TSHZ2: variants seen among roughly 807,000 people sequenced by gnomAD.
The protein encoded by TSHZ2 is teashirt homolog 2.
Under a neutral mutation model 74.4 loss-of-function variants are expected in TSHZ2, and 21 were observed. The ratio of observed to expected loss-of-function variants is 0.28; its 90% CI spans 0.20 to 0.41. The LOEUF (loss-of-function observed/expected upper bound fraction) is 0.41, where lower values mean the gene tolerates loss of function less well. Ranked by LOEUF, TSHZ2 falls within the 10% of genes least tolerant of loss-of-function variation. The pLI is 1.00. For synonymous variants in TSHZ2, 540 were observed against 515.3 expected (o/e 1.05, Z -0.65); for missense variants, 1,244 against 1,293.5 (o/e 0.96, Z 0.59).
intron 2 of TSHZ2, among the ~76,000 whole-genome samples, chr20:53,258,140 T>C (rs1990521234): frequency 6.6e-6 from 1 of 152,216 alleles, no homozygotes; most frequent in African/African-American, 2.4e-5. Context: ...ATGAAGACTA[T>C]CTTTTTGGTT....
chr20:53,098,099 C>T, intron 1 of TSHZ2: 1 of 152,150 alleles, frequency 6.6e-6, no homozygotes, highest in East Asian at 1.9e-4. Context: ...AACTCGGCTC[C>T]CACCATTCTC....
At chr20:53,331,167 A>C (rs370323389) in intron 2 of TSHZ2, among the ~76,000 whole-genome samples, 2 of 152,350 alleles carry the variant, frequency 1.3e-5, no homozygotes, top group South Asian at 4.1e-4. Context: ...AGAAGTATGA[A>C]TACAGTTGGT....
Position 53,493,204 on chromosome 20 carries a change from C to A in TSHZ2, c.*6069C>A, listed in dbSNP as rs1986492775. 6.6e-6 allele frequency: 1 copy of A among 152,138 alleles called. No individual in the cohort carries two copies. The highest frequency in any genetic ancestry group is 1.5e-5 in the Non-Finnish European group (1 of 68,006). The allele number at this position is 152,138 out of a possible 1,614,324, so 9.4% of individuals were successfully genotyped here. ...ACCAAACTGGCCCACAATGGGGATT[C>A]TTTTGTATAGAAAAAATATGCTTGT... On this transcript the variant is annotated 3_prime_UTR_variant, in exon 3 of 3. Transcript: ENST00000371497.
intron 1 of TSHZ2, among the ~76,000 whole-genome samples, chr20:53,004,972 G>T (rs1029497045): frequency 4.6e-5 from 7 of 152,228 alleles, no homozygotes; most frequent in Admixed American, 3.9e-4. Flanking sequence ...AATCGTGGGA[G>T]TCATCCTGAA....
intron 2 of TSHZ2, among the ~76,000 whole-genome samples, chr20:53,427,106 G>A (rs1164388396): frequency 6.6e-6 from 1 of 152,182 alleles, no homozygotes; most frequent in Non-Finnish European, 1.5e-5. Flanking sequence ...TGTCATTGCA[G>A]ATAGGTCAGG....
At chr20:53,265,152 G>T (rs948536033) in intron 2 of TSHZ2, among the ~76,000 whole-genome samples, 8 of 152,140 alleles carry the variant, frequency 5.3e-5, no homozygotes, top group Admixed American at 5.2e-4. Flanking sequence ...GGGTGGGGGA[G>T]ATGGGGAGAA....
chr20:53,269,191 C>T (rs1295791325), intron 2 of TSHZ2, among the ~76,000 whole-genome samples: 1 of 152,040 alleles, frequency 6.6e-6, no homozygotes, highest in Admixed American at 6.6e-5. Flanking sequence ...AACTGCTTTC[C>T]TCTCAATTCC....
chr20:52,985,322 A>T (rs1600630112), intron 1 of TSHZ2, among the ~76,000 whole-genome samples: 1 of 152,262 alleles, frequency 6.6e-6, no homozygotes, highest in East Asian at 1.9e-4. Context: ...GTTTTTTATG[A>T]GGATTAATTG....
intron 2 of TSHZ2, among the ~76,000 whole-genome samples, chr20:53,322,987 A>G (rs556169515): frequency 6.6e-6 from 1 of 152,296 alleles, no homozygotes; most frequent in East Asian, 1.9e-4. Context: ...AGAAGAAGGT[A>G]ACCAGCCTTC....
At chr20:53,437,850 T>C (rs1984148856) in intron 2 of TSHZ2, among the ~76,000 whole-genome samples, 1 of 152,170 alleles carries the variant, frequency 6.6e-6, no homozygotes, top group African/African-American at 2.4e-5. Flanking sequence ...CTCTCTCTCT[T>C]GTTCTCTCTC....
chr20:53,429,821 T>TTGTGTGTGTGTGTGTGTGTGTGTG (rs145356694), intron 2 of TSHZ2, among the ~76,000 whole-genome samples: 44 of 151,624 alleles, frequency 2.9e-4, no homozygotes, highest in African/African-American at 9.5e-4. Context: ...GCATATTCAA[T>TTGTGTGTGTGTGTGTGTGTGTGTG]TGTGTGTGTG....
At chr20:53,216,926 G>T (rs1989449376) in intron 1 of TSHZ2, among the ~76,000 whole-genome samples, 1 of 152,150 alleles carries the variant, frequency 6.6e-6, no homozygotes, top group Admixed American at 6.5e-5. Flanking sequence ...GGAGAATTCC[G>T]TGCAGGGCTC....
chr20:53,046,174 A>G (rs1162033519), intron 1 of TSHZ2, among the ~76,000 whole-genome samples: 1 of 152,166 alleles, frequency 6.6e-6, no homozygotes, highest in Non-Finnish European at 1.5e-5. Flanking sequence ...AAGCCAAACT[A>G]TGAGACAAGC....
chr20:53,269,429 C>G (rs1386432112), intron 2 of TSHZ2, among the ~76,000 whole-genome samples: 1 of 152,176 alleles, frequency 6.6e-6, no homozygotes, highest in Non-Finnish European at 1.5e-5. Context: ...TTCCCTCCAA[C>G]TTTCCCATTC....
intron 1 of TSHZ2, among the ~76,000 whole-genome samples, chr20:53,160,804 A>ACTACACCT (rs1436725156): frequency 1.3e-5 from 2 of 151,404 alleles, no homozygotes; most frequent in African/African-American, 4.9e-5. Context: ...CATGTGGCAA[A>ACTACACCT]CTACACCTCT....
rs538930244 is a variant in TSHZ2 at position 53,350,396 on chromosome 20, G to A, written c.*8+93825G>A. On this transcript the variant is annotated intron_variant, in intron 2 of 2. Transcript: ENST00000371497. The stretch of plus-strand genomic sequence containing the variant: ...CCAAGGTTGGATGGACCTCTAGGAC[G>A]GTGAAGTCTCCTGTAGTTCTCTTCC... Among the ~76,000 whole-genome samples the A allele has an allele frequency of 4.7e-4, 72 of 152,268 alleles. No individual in the cohort carries two copies. The South Asian group carries it at 0.012, about 25-fold the overall frequency.
chr20:53,332,892 T>C (rs1979782721), intron 2 of TSHZ2, among the ~76,000 whole-genome samples: 1 of 152,180 alleles, frequency 6.6e-6, no homozygotes, highest in South Asian at 2.1e-4. Flanking sequence ...ACCTACTGCA[T>C]CTGGTGCCAG....
At chr20:53,346,828 C>A (rs1233109482) in intron 2 of TSHZ2, among the ~76,000 whole-genome samples, 1 of 152,194 alleles carries the variant, frequency 6.6e-6, no homozygotes, top group Non-Finnish European at 1.5e-5. Flanking sequence ...CTTATGGAAG[C>A]GTCTGTGGAA....
chr20:53,212,927 A>T (rs138847378), intron 1 of TSHZ2, among the ~76,000 whole-genome samples: 1 of 152,142 alleles, frequency 6.6e-6, no homozygotes, highest in South Asian at 2.1e-4. Context: ...TGGCATGCTC[A>T]TTAGGTGGTT....
Sources: gnomAD v4.1 joint callset for allele counts (sites outside exome capture counted in the v4.1 genomes callset) on GRCh38, gnomAD v4.1.1 for gene constraint, MANE v1.5 for transcripts, NCBI Gene and HGNC (gene_info 2026-07-23, HGNC 2026-07-21) for gene names.